The following ADCYAP1R1 variants were observed in gnomAD, a reference collection of about 807,000 sequenced individuals.
The protein encoded by ADCYAP1R1 is ADCYAP receptor type I, also known as pituitary adenylate cyclase-activating polypeptide type I receptor.
A neutral mutation model predicts 67.6 loss-of-function variants in ADCYAP1R1; 44 were observed. That is an observed-to-expected ratio of 0.65 (90% CI 0.51 to 0.84). The LOEUF (loss-of-function observed/expected upper bound fraction) is 0.84. Ranked by LOEUF, ADCYAP1R1 falls within the 40% of genes least tolerant of loss-of-function variation. The probability of loss-of-function intolerance (pLI) is 0.00; values close to 1 mark genes in which losing one functional copy is unlikely to be tolerated. For missense variants in ADCYAP1R1, 477 were observed against 587.9 expected, an observed-to-expected ratio of 0.81 and a Z score of 1.95; for synonymous variants, 222 against 219.6, an observed-to-expected ratio of 1.01 and a Z score of -0.10.
At chr7:31,095,238 T>C (rs1371556690) in intron 13 of ADCYAP1R1, among the ~76,000 whole-genome samples, 2 of 152,188 alleles carry the variant, frequency 1.3e-5, no homozygotes, top group Non-Finnish European at 2.9e-5. Flanking sequence ...AGGGAACTAG[T>C]TATCAGTGAA....
intron 3 of ADCYAP1R1, among the ~76,000 whole-genome samples, chr7:31,066,482 C>T (rs996250267): frequency 1.3e-5 from 2 of 152,232 alleles, no homozygotes; most frequent in Admixed American, 6.5e-5. Flanking sequence ...GCTGGAAATA[C>T]AGCATCCCTG....
chr7:31,068,261 CA>C (rs1443222826), intron 3 of ADCYAP1R1, among the ~76,000 whole-genome samples: 1 of 152,190 alleles, frequency 6.6e-6, no homozygotes, highest in Middle Eastern at 3.2e-3. Context: ...ATTTAACCCT[CA>C]CCAGCCTATG....
At chr7:31,093,316 G>T (rs1482009912) in intron 13 of ADCYAP1R1, among the ~76,000 whole-genome samples, 1 of 152,104 alleles carries the variant, frequency 6.6e-6, no homozygotes, top group Non-Finnish European at 1.5e-5. Context: ...CATCTAATTG[G>T]TTGGGGATTA....
At chr7:31,053,466 C>T (rs1344941031) in intron 1 of ADCYAP1R1, among the ~76,000 whole-genome samples, 2 of 152,160 alleles carry the variant, frequency 1.3e-5, no homozygotes, top group African/African-American at 4.8e-5. Flanking sequence ...CTCGGCGGGA[C>T]CTTGGCAGGT....
At chr7:31,084,857 A>G in intron 8 of ADCYAP1R1, 23 bp downstream of exon 8, 1 of 1,605,240 alleles carries the variant, frequency 6.2e-7, no homozygotes, top group Non-Finnish European at 8.5e-7. Context: ...GCAACATTCA[A>G]GCAAGCACCA....
chr7:31,060,127 G>A (rs1794435573), intron 1 of ADCYAP1R1, among the ~76,000 whole-genome samples: 1 of 152,100 alleles, frequency 6.6e-6, no homozygotes, highest in East Asian at 1.9e-4. Flanking sequence ...GTCGGGGCTG[G>A]GGCCTCTGCT....
intron 14 of ADCYAP1R1, 50 bp downstream of exon 14, chr7:31,103,416 G>T: frequency 4.3e-6 from 7 of 1,612,622 alleles, no homozygotes; most frequent in Non-Finnish European, 5.1e-6. Context: ...CCAGGGCCTG[G>T]TTGCTCACCT....
intron 8 of ADCYAP1R1, 91 bp from the exon 9 acceptor site, chr7:31,085,219 C>T: frequency 6.6e-7 from 1 of 1,517,900 alleles, no homozygotes; most frequent in Non-Finnish European, 8.8e-7. Context: ...TGAGATAAAG[C>T]CACAGAGTTG....
intron 15 of ADCYAP1R1, 64 bp downstream of exon 15, chr7:31,104,973 G>C (rs989074476): frequency 1.3e-6 from 2 of 1,554,448 alleles, no homozygotes; most frequent in Admixed American, 1.7e-5. Context: ...GCAGACAGGG[G>C]AACCACCTGT....
chr7:31,079,488 A>G (rs1221420656), intron 4 of ADCYAP1R1, among the ~76,000 whole-genome samples: 2 of 152,174 alleles, frequency 1.3e-5, no homozygotes, highest in East Asian at 3.9e-4. Context: ...GATGTCCTAG[A>G]AGGGGCGAGT....
chr7:31,077,707 G>A (rs888869041), intron 3 of ADCYAP1R1, among the ~76,000 whole-genome samples: 1 of 149,156 alleles, frequency 6.7e-6, no homozygotes, highest in African/African-American at 2.5e-5. Flanking sequence ...TGTGTGTGAT[G>A]TGTGTGTAAT....
At chr7:31,101,466 T>C (rs557177999) in intron 13 of ADCYAP1R1, among the ~76,000 whole-genome samples, 1 of 152,280 alleles carries the variant, frequency 6.6e-6, no homozygotes, top group Admixed American at 6.5e-5. Context: ...CAGCTTCCTT[T>C]CCTGGGCTCC....
At chr7:31,075,521 C>T (rs893680725) in intron 3 of ADCYAP1R1, among the ~76,000 whole-genome samples, 1 of 152,166 alleles carries the variant, frequency 6.6e-6, no homozygotes, top group Admixed American at 6.5e-5. Flanking sequence ...ACCTGTGCTT[C>T]CTCTGCCCAC....
intron 13 of ADCYAP1R1, among the ~76,000 whole-genome samples, chr7:31,097,645 C>CA (rs974431220): frequency 1.3e-5 from 2 of 150,468 alleles, no homozygotes; most frequent in Admixed American, 6.6e-5. Flanking sequence ...GGAATACTTT[C>CA]AAAAAATCCT....
chr7:31,096,853 A>G (rs1796216483), intron 13 of ADCYAP1R1, among the ~76,000 whole-genome samples: 1 of 144,352 alleles, frequency 6.9e-6, no homozygotes, highest in Non-Finnish European at 1.5e-5. Context: ...GTGGACCGCC[A>G]AGTGGCCAGC....
chr7:31,071,080 C>A (rs1584492096), intron 3 of ADCYAP1R1, among the ~76,000 whole-genome samples: 1 of 152,308 alleles, frequency 6.6e-6, no homozygotes, highest in African/African-American at 2.4e-5. Context: ...ACCTGGGCAT[C>A]CTCAGGTGGC....
intron 1 of ADCYAP1R1, among the ~76,000 whole-genome samples, chr7:31,061,293 G>A (rs926109264): frequency 2.0e-5 from 3 of 152,198 alleles, no homozygotes; most frequent in African/African-American, 7.2e-5. Flanking sequence ...CTCCTCCCTC[G>A]CAGCCAGGCA....
chr7:31,056,603 T>TC (rs1331940276), intron 1 of ADCYAP1R1, among the ~76,000 whole-genome samples: 1 of 152,028 alleles, frequency 6.6e-6, no homozygotes. Flanking sequence ...CCACTTTCCA[T>TC]CCCAACCGCC....
Position 31,080,624 on chromosome 7 carries a change from G to T in ADCYAP1R1, c.277G>T (p.Glu93Ter). Residue 93 changes from glutamate to a stop codon, truncating the protein, a stop_gained, in exon 5 of 16, where the codon GAA becomes TAA. Transcript: ENST00000304166. LOFTEE classifies it high-confidence loss of function. The stretch of plus-strand genomic sequence containing the variant: ...TCTCTCTGTTTCAGTCTGGGAGACC[G>T]AAACCATTGGTAAGAGGAACCTTGG... ...IFNPDQVWET[E>*]TIGESDFGDS... 3.7e-6 allele frequency: 6 copies of T among 1,613,682 alleles called. No individual in the cohort carries two copies. The highest frequency in any genetic ancestry group is 4.2e-6 in the Non-Finnish European group (5 of 1,179,980).
Sources: gnomAD v4.1 joint callset for allele counts (sites outside exome capture counted in the v4.1 genomes callset) on GRCh38, gnomAD v4.1.1 for gene constraint, MANE v1.5 for transcripts, NCBI Gene and HGNC (gene_info 2026-07-23, HGNC 2026-07-21) for gene names.